The following ARHGEF28 variants were observed in gnomAD, a reference collection of about 807,000 sequenced individuals.
ARHGEF28 encodes the protein 190 kDa guanine nucleotide exchange factor.
A neutral mutation model predicts 206.6 loss-of-function variants in ARHGEF28; 152 were observed. The observed-to-expected ratio is 0.74, with a 90% CI of 0.64 to 0.84. The LOEUF (loss-of-function observed/expected upper bound fraction) is 0.84, where lower values mean the gene tolerates loss of function less well. Among genes scored for constraint, ARHGEF28 ranks in the 40% least tolerant of loss-of-function variants. ARHGEF28 has a pLI of 0.00. For missense variants in ARHGEF28, 2,028 were observed against 2,073.2 expected (o/e 0.98, Z 0.42); for synonymous variants, 763 against 776.4 (o/e 0.98, Z 0.29).
intron 2 of ARHGEF28, among the ~76,000 whole-genome samples, chr5:73,721,971 AT>A (rs1489671620): frequency 6.6e-6 from 1 of 152,122 alleles, no homozygotes; most frequent in Non-Finnish European, 1.5e-5. Flanking sequence ...CCCCACCCTA[AT>A]CTAGAAATTT....
intron 35 of ARHGEF28, among the ~76,000 whole-genome samples, chr5:73,921,245 G>T (rs1284876074): frequency 6.6e-6 from 1 of 152,168 alleles, no homozygotes; most frequent in African/African-American, 2.4e-5. Context: ...TGAATCTTAA[G>T]AAATAGATCC....
At chr5:73,686,524 T>C (rs116041797) in intron 2 of ARHGEF28, among the ~76,000 whole-genome samples, 30,461 of 150,788 alleles carry the variant, frequency 0.2, 3,233 homozygotes, top group Non-Finnish European at 0.24. Flanking sequence ...TCTTTTCTTT[T>C]TTTTTTTTTT....
chr5:73,915,696 T>C (rs904754077), intron 35 of ARHGEF28, among the ~76,000 whole-genome samples: 1 of 152,198 alleles, frequency 6.6e-6, no homozygotes, highest in African/African-American at 2.4e-5. Context: ...TTCTCCTAGC[T>C]TTAACATTTT....
intron 2 of ARHGEF28, among the ~76,000 whole-genome samples, chr5:73,738,267 GGTCCAAGGTTAGCA>G (rs1751138590): frequency 6.6e-6 from 1 of 152,146 alleles, no homozygotes; most frequent in South Asian, 2.1e-4. Context: ...AGGGATTTCT[GGTCCAAGGTTAGCA>G]GTGTGATGGA....
At chr5:73,897,869 G>A (rs1762046216) in intron 29 of ARHGEF28, 93 bp from the exon 30 acceptor site, 37 of 1,384,448 alleles carry the variant, frequency 2.7e-5, no homozygotes, top group Non-Finnish European at 3.4e-5. Context: ...TAAAAACAGG[G>A]ACAGGCCAAA....
chr5:73,809,066 T>C (rs1040104450), intron 9 of ARHGEF28, among the ~76,000 whole-genome samples: 1 of 152,040 alleles, frequency 6.6e-6, no homozygotes, highest in African/African-American at 2.4e-5. Context: ...AGCCTGGCCA[T>C]GGTGCATGTT....
At chr5:73,907,189 G>T (rs1453624159) in intron 33 of ARHGEF28, among the ~76,000 whole-genome samples, 1 of 152,188 alleles carries the variant, frequency 6.6e-6, no homozygotes, top group Non-Finnish European at 1.5e-5. Context: ...TTAAATGTCA[G>T]CTGGGAAGGG....
rs143020356 is a variant in ARHGEF28 at position 73,870,022 on chromosome 5, T to G, written c.2426-47T>G. The G allele has an allele frequency of 1.3e-4, 202 of 1,590,686 alleles. No individual in the cohort carries two copies. The African/African-American group carries it at 2.4e-3, about 19-fold the overall frequency. On this transcript the variant is annotated intron_variant, in intron 20 of 35. Coordinates refer to ENST00000513042, the MANE Select transcript of ARHGEF28 (RefSeq NM_001177693.2). ...AGACAAATATACGAAGGTATATTTG[T>G]GCTGCATTATTGTACTTCTGGCTTT...
intron 4 of ARHGEF28, among the ~76,000 whole-genome samples, chr5:73,762,891 T>C (rs1330446706): frequency 2.0e-5 from 3 of 152,196 alleles, no homozygotes; most frequent in Non-Finnish European, 4.4e-5. Context: ...AATTGCATAA[T>C]TATGTCAAGG....
At chr5:73,896,387 G>C (rs1761962146) in intron 29 of ARHGEF28, among the ~76,000 whole-genome samples, 1 of 152,170 alleles carries the variant, frequency 6.6e-6, no homozygotes, top group Non-Finnish European at 1.5e-5. Context: ...GGCAGACTGG[G>C]ATCAGATCAT....
chr5:73,709,480 G>A (rs1749123433), intron 2 of ARHGEF28, among the ~76,000 whole-genome samples: 1 of 152,150 alleles, frequency 6.6e-6, no homozygotes, highest in Admixed American at 6.5e-5. Flanking sequence ...GAACAAAGGG[G>A]GATGAATGCA....
Position 73,880,174 on chromosome 5 carries a change from T to A in ARHGEF28, c.2815-2298T>A, listed in dbSNP as rs1760821078. On this transcript the variant is annotated intron_variant, in intron 22 of 35. Coordinates refer to ENST00000513042, the MANE Select transcript of ARHGEF28 (RefSeq NM_001177693.2). ...GCCTCGCTGCAGACTTGCAGTTTGT[T>A]CTCAGACTGCTGTGCTAGCAATCAG... 3.9e-5 allele frequency among the ~76,000 whole-genome samples: 6 copies of A among 152,278 alleles called. No individual in the cohort carries two copies. The South Asian group carries it at 1.2e-3, about 32-fold the overall frequency.
At chr5:73,826,290 A>G (rs915191428) in intron 9 of ARHGEF28, among the ~76,000 whole-genome samples, 1 of 152,192 alleles carries the variant, frequency 6.6e-6, no homozygotes, top group African/African-American at 2.4e-5. Context: ...CTCTAAAGTA[A>G]GGCTCACCCT....
At position 73,894,554 on chromosome 5, in the gene ARHGEF28, C is replaced by T; in HGVS notation, c.3820C>T (p.Leu1274=). The T allele has an allele frequency of 6.2e-7, 1 of 1,613,792 alleles. No homozygotes were observed. The highest frequency in any genetic ancestry group is 2.2e-5 in the East Asian group (1 of 44,874). The stretch of plus-strand genomic sequence containing the variant: ...CGAGCCTCCCCAGGCAGCCTCATTA[C>T]TGGCAGCAGCACTGAAAGAAGGTAA... The part of the protein sequence containing the change: ...PGEPPQAASL[L]AAALKEAESL... Residue 1274 remains leucine (L), a synonymous_variant, in exon 29 of 36, where the codon CTG becomes TTG. Coordinates refer to ENST00000513042, the MANE Select transcript of ARHGEF28 (RefSeq NM_001177693.2).
chr5:73,789,819 C>A (rs1052458662), intron 7 of ARHGEF28, among the ~76,000 whole-genome samples: 2 of 152,132 alleles, frequency 1.3e-5, no homozygotes, highest in African/African-American at 4.8e-5. Context: ...GTTTGTGTCA[C>A]AGCTGAGGAA....
At chr5:73,735,815 G>C (rs918479486) in intron 2 of ARHGEF28, among the ~76,000 whole-genome samples, 4 of 152,152 alleles carry the variant, frequency 2.6e-5, no homozygotes, top group African/African-American at 9.7e-5. Flanking sequence ...ACAGCCTGGC[G>C]ATAATAAACT....
At chr5:73,782,994 T>C (rs1393366959) in intron 7 of ARHGEF28, among the ~76,000 whole-genome samples, 2 of 152,220 alleles carry the variant, frequency 1.3e-5, no homozygotes, top group African/African-American at 4.8e-5. Context: ...AAAAATCCTC[T>C]TGCAAATTTT....
intron 25 of ARHGEF28, chr5:73,887,388 C>A: frequency 2.7e-6 from 1 of 370,536 alleles, no homozygotes; most frequent in Non-Finnish European, 4.8e-6. Flanking sequence ...TTAAACTTTG[C>A]TGGAGATTTA....
intron 7 of ARHGEF28, among the ~76,000 whole-genome samples, chr5:73,786,056 C>CAAAAAAAA (rs61560155): frequency 1.3e-5 from 1 of 76,466 alleles, no homozygotes; most frequent in Non-Finnish European, 3.1e-5. Flanking sequence ...TGGCAGTAAC[C>CAAAAAAAA]AAAAAAAAAA....
Sources: gnomAD v4.1 joint callset for allele counts (sites outside exome capture counted in the v4.1 genomes callset) on GRCh38, gnomAD v4.1.1 for gene constraint, MANE v1.5 for transcripts, NCBI Gene and HGNC (gene_info 2026-07-23, HGNC 2026-07-21) for gene names.